PCDHGA5: variants seen among roughly 807,000 people sequenced by gnomAD.
PCDHGA5 encodes the protein protocadherin gamma subfamily A, 5.
Under a neutral mutation model 56.7 loss-of-function variants are expected in PCDHGA5, and 36 were observed. That is an observed-to-expected ratio of 0.64 (90% CI 0.49 to 0.84). The LOEUF is 0.84. Ranked by LOEUF, PCDHGA5 falls within the 40% of genes least tolerant of loss-of-function variation. PCDHGA5 has a pLI of 0.00. For synonymous variants in PCDHGA5, 563 were observed against 520.2 expected (o/e 1.08, Z -1.12); for missense variants, 1,305 against 1,201.5 (o/e 1.09, Z -1.27).
At chr5:141,503,804 G>A (rs2099831736) in intron 2 of PCDHGA5, among the ~76,000 whole-genome samples, 1 of 152,034 alleles carries the variant, frequency 6.6e-6, no homozygotes, top group South Asian at 2.1e-4. Flanking sequence ...TAGGGACGGG[G>A]AATCCCAGAT....
chr5:141,403,729 C>G (rs1409756180), intron 1 of PCDHGA5: 1 of 1,613,896 alleles, frequency 6.2e-7, no homozygotes, highest in Non-Finnish European at 8.5e-7. Context: ...CCCCAGGCAC[C>G]TGGCTGCTTA....
intron 1 of PCDHGA5, chr5:141,399,446 A>G (rs2093810942): frequency 6.2e-7 from 1 of 1,613,826 alleles, no homozygotes; most frequent in South Asian, 1.1e-5. Flanking sequence ...CATATCAGAG[A>G]CGTCAACGAT....
At chr5:141,405,231 C>T in intron 1 of PCDHGA5, 2 of 1,614,130 alleles carry the variant, frequency 1.2e-6, no homozygotes, top group Non-Finnish European at 1.7e-6. Flanking sequence ...TTCTCCCTCA[C>T]CGCTGACTCA....
chr5:141,485,886 A>G lies in PCDHGA5; in HGVS notation c.2422-8921A>G. 1.9e-6 allele frequency: 3 copies of G among 1,614,132 alleles called. No individual in the cohort carries two copies. Among genetic ancestry groups the G allele is most frequent in the Non-Finnish European group, 2.5e-6 (3 of 1,180,016 alleles). On this transcript the variant is annotated intron_variant, in intron 1 of 3. Transcript: ENST00000518069. This position sits in a 1 kb window ranked among gnomAD's most constrained non-coding sequence, Gnocchi z 5.7. ...GTATCCGTGCTGGACGTAAACGACAACGCCCCAGCCTTCCAGCAATCCAGC... is the reference window on the plus strand; with the variant it reads ...GTATCCGTGCTGGACGTAAACGACAGCGCCCCAGCCTTCCAGCAATCCAGC...
chr5:141,365,871 T>C lies in PCDHGA5; in HGVS notation c.1541T>C (p.Leu514Pro). 1 of 1,614,098 alleles carries C rather than the reference T, an allele frequency of 6.2e-7. No homozygotes were observed. The highest frequency in any genetic ancestry group is 8.5e-7 in the Non-Finnish European group (1 of 1,179,950). ...YVSINSDTGV[L>P]YALRSFDYEQ... is the part of the protein sequence containing the mutation. ...TCCATTAACTCTGACACCGGTGTCC[T>C]GTATGCTCTGAGATCCTTCGACTAT... is the stretch of plus-strand genomic sequence containing the variant. The change falls in exon 1 of 4, where the codon CTG (leucine) becomes CCG (proline). Residue 514 changes from leucine to proline, a missense_variant. Physicochemically the swap from Leu to Pro is moderately conservative, Grantham distance 98. Transcript: ENST00000518069.
rs776132438 is a variant in PCDHGA5 at position 141,432,197 on chromosome 5, G to A, written c.2422-62610G>A. The A allele has an allele frequency of 2.5e-6, 4 of 1,614,112 alleles. No individual in the cohort carries two copies. The South Asian group carries it at 3.3e-5, about 13-fold the overall frequency. The stretch of plus-strand genomic sequence containing the variant: ...CGTCTCTGTGACCGCCCACGACCCC[G>A]ACTGTGAAGAGAACGCCCAGATCAC... On this transcript the variant is annotated intron_variant, in intron 1 of 3. Coordinates refer to ENST00000518069, the MANE Select transcript of PCDHGA5 (RefSeq NM_018918.3). The surrounding 1 kb of genome is among the most constrained non-coding windows in gnomAD (Gnocchi z 6.0).
At chr5:141,372,739 G>A (rs778027776) in intron 1 of PCDHGA5, 1 of 1,613,668 alleles carries the variant, frequency 6.2e-7, no homozygotes, top group Non-Finnish European at 8.5e-7. Context: ...GATCTTCTAT[G>A]TGATGAAGCC....
intron 1 of PCDHGA5, chr5:141,403,576 C>T (rs976638680): frequency 1.9e-6 from 3 of 1,613,946 alleles, no homozygotes; most frequent in Non-Finnish European, 2.5e-6. Context: ...CAACTGCCCA[C>T]CACCTGGTCC....
At chr5:141,394,507 C>T in intron 1 of PCDHGA5, 1 of 1,614,214 alleles carries the variant, frequency 6.2e-7, no homozygotes, top group South Asian at 1.1e-5. Flanking sequence ...ATCCTGTACC[C>T]CGCCCTCCCC....
intron 1 of PCDHGA5, chr5:141,419,164 C>G: frequency 6.2e-7 from 1 of 1,613,966 alleles, no homozygotes; most frequent in Non-Finnish European, 8.5e-7. Context: ...TATCCTCCAG[C>G]AAAACCATAA....
rs1158395811 is a variant in PCDHGA5, at chr5:141,476,020, T to TCGGCGCC, written c.2422-18785_2422-18779dup. The stretch of plus-strand genomic sequence containing the variant: ...CGGCATCCAGAAAGCCATGTCGGAC[T>TCGGCGCC]CGGCGCCCAGCGCCCAAGCGCTAAC... On this transcript the variant is annotated intron_variant, in intron 1 of 3. Transcript: ENST00000518069. The surrounding 1 kb of genome is among the most constrained non-coding windows in gnomAD (Gnocchi z 7.6). 2.1e-6 allele frequency: 3 copies of TCGGCGCC among 1,398,716 alleles called. No homozygotes were observed. The African/African-American group carries it at 4.3e-5, about 20-fold the overall frequency. The allele number at this position is 1,398,716 out of a possible 1,614,324, so 86.6% of individuals were successfully genotyped here. A position where few individuals can be genotyped will look rare whatever the true frequency, so the allele number is the denominator to read the frequency against.
intron 1 of PCDHGA5, among the ~76,000 whole-genome samples, chr5:141,483,525 A>G (rs1442825090): frequency 1.3e-5 from 2 of 152,126 alleles, no homozygotes; most frequent in African/African-American, 4.8e-5. Context: ...ATCCTGACTA[A>G]GGAAGCTGGG....
At position 141,389,423 on chromosome 5, in the gene PCDHGA5, C is replaced by G. The variant is rs779826135; in HGVS notation, c.2421+22672C>G. 11 of 1,613,516 alleles carry G rather than the reference C, an allele frequency of 6.8e-6. No individual in the cohort carries two copies. The highest frequency in any genetic ancestry group is 9.3e-6 in the Non-Finnish European group (11 of 1,179,902). ...TAAGCGCGGAGAGCGGGGTGGTGTT[C>G]GCGCAGCGCGCCTTCGACCACGAGC... On this transcript the variant is annotated intron_variant, in intron 1 of 3. Coordinates refer to ENST00000518069, the MANE Select transcript of PCDHGA5 (RefSeq NM_018918.3).
chr5:141,441,923 C>A, intron 1 of PCDHGA5: 2 of 351,136 alleles, frequency 5.7e-6, no homozygotes, highest in Non-Finnish European at 5.5e-6. Context: ...AGACACAATG[C>A]GTGGCTGTCC....
intron 1 of PCDHGA5, chr5:141,403,131 C>T: frequency 5.6e-6 from 9 of 1,614,034 alleles, no homozygotes; most frequent in Non-Finnish European, 6.8e-6. Context: ...CGGGAGCTGG[C>T]GGAGCGCCGA....
At chr5:141,433,068 T>G (rs1296504554) in intron 1 of PCDHGA5, 1 of 1,613,900 alleles carries the variant, frequency 6.2e-7, no homozygotes, top group South Asian at 1.1e-5. Context: ...CACCTGATCT[T>G]CCCCCAGCCC....
At chr5:141,458,820 C>T (rs2098954225) in intron 1 of PCDHGA5, among the ~76,000 whole-genome samples, 1 of 152,070 alleles carries the variant, frequency 6.6e-6, no homozygotes, top group African/African-American at 2.4e-5. Flanking sequence ...GCAACCTCTG[C>T]CTCCCAGGCT....
intron 1 of PCDHGA5, chr5:141,388,215 G>A (rs2091280920): frequency 6.3e-7 from 1 of 1,597,062 alleles, no homozygotes. Flanking sequence ...GGCTGTTGCT[G>A]AAAATCCACT....
chr5:141,430,619 A>G lies in PCDHGA5; in HGVS notation c.2421+63868A>G, dbSNP rs192473783. ...CGCCTGAAGCACAAAGCAGATAGCT[A>G]GGAATGAACCATCCCTGGGAGTATG... On this transcript the variant is annotated intron_variant, in intron 1 of 3. Coordinates refer to ENST00000518069, the MANE Select transcript of PCDHGA5 (RefSeq NM_018918.3). 9.4e-5 allele frequency: 68 copies of G among 720,190 alleles called. 1 individual carries two copies. The African/African-American group carries it at 1.1e-3, about 12-fold the overall frequency. 44.6% of individuals were successfully genotyped at this position (720,190 alleles called of 1,614,324 possible). A position where few individuals can be genotyped will look rare whatever the true frequency, so the allele number is the denominator to read the frequency against.
Sources: allele counts gnomAD v4.1 joint callset (sites outside exome capture counted in the v4.1 genomes callset), GRCh38; gene constraint gnomAD v4.1.1; non-coding constraint Gnocchi (gnomAD v3.1); transcripts MANE v1.5; gene names NCBI Gene and HGNC (gene_info 2026-07-23, HGNC 2026-07-21).